ASXL2: variants seen among roughly 807,000 people sequenced by gnomAD.
ASXL2 encodes putative Polycomb group protein ASXL2.
ASXL2 carries 23 observed loss-of-function variants against 122.0 expected under a neutral mutation model. That is an observed-to-expected ratio of 0.19 (90% CI 0.14 to 0.27). The LOEUF (loss-of-function observed/expected upper bound fraction) is 0.27. Ranked by LOEUF, ASXL2 falls within the 10% of genes least tolerant of loss-of-function variation. The pLI is 1.00. For synonymous variants in ASXL2, 650 were observed against 637.0 expected (o/e 1.02, Z -0.31); for missense variants, 1,518 against 1,713.8 (o/e 0.89, Z 2.02).
intron 1 of ASXL2, among the ~76,000 whole-genome samples, chr2:25,854,403 G>T (rs1224548360): frequency 6.6e-6 from 1 of 152,016 alleles, no homozygotes; most frequent in Non-Finnish European, 1.5e-5. Flanking sequence ...TTTCAGATGT[G>T]AAAACTGAAG....
chr2:25,856,299 C>T (rs1319750880), intron 1 of ASXL2, among the ~76,000 whole-genome samples: 3 of 151,380 alleles, frequency 2.0e-5, no homozygotes, highest in Non-Finnish European at 2.9e-5. Context: ...TCAGGTGATC[C>T]GCCCACCTCA....
chr2:25,839,093 T>C (rs934077603), intron 2 of ASXL2, among the ~76,000 whole-genome samples: 1 of 152,130 alleles, frequency 6.6e-6, no homozygotes, highest in South Asian at 2.1e-4. Flanking sequence ...GAAAAACAAA[T>C]GAGTAAAAGC....
At chr2:25,856,255 C>T (rs1298744888) in intron 1 of ASXL2, among the ~76,000 whole-genome samples, 2 of 151,482 alleles carry the variant, frequency 1.3e-5, no homozygotes, top group East Asian at 3.9e-4. Flanking sequence ...TGGGGTTTCA[C>T]CATGTCGGCC....
At chr2:25,773,445 C>G (rs1414911101) in intron 5 of ASXL2, among the ~76,000 whole-genome samples, 1 of 151,942 alleles carries the variant, frequency 6.6e-6, no homozygotes, top group Non-Finnish European at 1.5e-5. Context: ...GCGGGCGGAT[C>G]ACAAGGTCAG....
In ASXL2 at chr2:25,743,759, C is replaced by G. The variant is rs769750746; in HGVS notation, c.2578G>C (p.Gly860Arg). 3.1e-6 allele frequency: 5 copies of G among 1,613,888 alleles called. No homozygotes were observed. The East Asian group carries it at 1.1e-4, about 36-fold the overall frequency. Residue 860 changes from glycine (G) to arginine (R), a missense_variant, in exon 13 of 13, where the codon GGT becomes CGT. By Grantham distance (125) the Gly-to-Arg change is moderately radical. Around this residue, in one of 8 missense-constraint regions of ASXL2, gnomAD observed 831 missense variants for 833.1 expected, o/e 1.00. Coordinates refer to ENST00000435504, the MANE Select transcript of ASXL2 (RefSeq NM_018263.6). ...GGGTTAGGTATATTCTTACTAGGACCTGCTTTGAGCTCAACTGTGCCATCA... is the reference window on the plus strand; with the variant it reads ...GGGTTAGGTATATTCTTACTAGGACGTGCTTTGAGCTCAACTGTGCCATCA... ...AADGTVELKA[G>R]PSKNIPNPSA... is the part of the protein sequence containing the mutation.
Position 25,744,136 on chromosome 2 carries a change from G to A in ASXL2, c.2201C>T (p.Thr734Ile). 6.2e-7 allele frequency: 1 copy of A among 1,613,994 alleles called. No individual in the cohort carries two copies. The highest frequency in any genetic ancestry group is 8.5e-7 in the Non-Finnish European group (1 of 1,179,886). ...CTCTCTCGTACCTCCCCTGCTTCCA[G>A]TTCCTGCCAGTTCCAGTGTGGGGCC... Reference protein sequence around the residue: ...GKGPTLELAGTGSRGGTRELL... With the variant: ...GKGPTLELAGIGSRGGTRELL... The change falls in exon 13 of 13, where the codon ACT becomes ATT. Residue 734 changes from threonine to isoleucine, a missense_variant. Coordinates refer to ENST00000435504, the MANE Select transcript of ASXL2 (RefSeq NM_018263.6). This position sits in a 1 kb window ranked among gnomAD's most constrained non-coding sequence, Gnocchi z 4.7.
At position 25,749,901 on chromosome 2, in the gene ASXL2, T is replaced by G. The variant is rs1400792834; in HGVS notation, c.1655A>C (p.Lys552Thr). 1.9e-6 allele frequency: 3 copies of G among 1,612,298 alleles called. No individual in the cohort carries two copies. Among genetic ancestry groups the G allele is most frequent in the Middle Eastern group, 1.6e-4 (1 of 6,074 alleles). The change falls in exon 12 of 13, where the codon AAA (lysine) becomes ACA (threonine). Residue 552 changes from lysine (K) to threonine (T), a missense_variant. Transcript: ENST00000435504. ...AGAGPQETNM[K>T]EPLATLVDQS... ...ATCAACAAGAGTTGCTAGAGGTTCTTTCATATTAGTCTCCTGTGGACCCGC... is the reference window on the plus strand; with the variant it reads ...ATCAACAAGAGTTGCTAGAGGTTCTGTCATATTAGTCTCCTGTGGACCCGC...
intron 8 of ASXL2, among the ~76,000 whole-genome samples, chr2:25,766,301 A>T (rs1559504858): frequency 6.6e-6 from 1 of 151,944 alleles, no homozygotes; most frequent in Non-Finnish European, 1.5e-5. Flanking sequence ...TGCCTATTAC[A>T]CATTTTTAAT....
intron 1 of ASXL2, among the ~76,000 whole-genome samples, chr2:25,870,975 G>C (rs944610391): frequency 6.6e-6 from 1 of 151,624 alleles, no homozygotes; most frequent in African/African-American, 2.4e-5. Flanking sequence ...CTTGTTTCTT[G>C]TTTTTTTAAA....
intron 1 of ASXL2, among the ~76,000 whole-genome samples, chr2:25,860,015 C>G (rs1435929219): frequency 1.3e-5 from 2 of 152,056 alleles, no homozygotes; most frequent in African/African-American, 4.8e-5. Context: ...AAAACATTGT[C>G]TCTTAAAAAT....
At chr2:25,793,392 A>C (rs1025913366) in intron 5 of ASXL2, among the ~76,000 whole-genome samples, 1 of 152,210 alleles carries the variant, frequency 6.6e-6, no homozygotes, top group African/African-American at 2.4e-5. Context: ...TACAGCATTG[A>C]GAATTTTCCA....
intron 2 of ASXL2, among the ~76,000 whole-genome samples, chr2:25,842,867 G>A (rs1330801743): frequency 6.6e-6 from 1 of 151,016 alleles, no homozygotes; most frequent in Admixed American, 6.6e-5. Flanking sequence ...TGTTGCCCAG[G>A]CTGGAGTGCA....
chr2:25,784,924 G>A lies in ASXL2; in HGVS notation c.404-13384C>T, dbSNP rs1207327642. Among the ~76,000 whole-genome samples the A allele has an allele frequency of 3.3e-5, 5 of 152,302 alleles. No homozygotes were observed. In the South Asian group the frequency reaches 6.2e-4, roughly 19 times the overall value. On this transcript the variant is annotated intron_variant, in intron 5 of 12. Transcript: ENST00000435504. The stretch of plus-strand genomic sequence containing the variant: ...GGACACAATTTGAAGCATAACACTT[G>A]TTTTTATTTAGCCTATTTTCCAGAG...
At chr2:25,856,685 G>C (rs557124085) in intron 1 of ASXL2, 1 of 1,282,818 alleles carries the variant, frequency 7.8e-7, no homozygotes, top group South Asian at 1.2e-5. Context: ...AGCCGTTAGA[G>C]TGAGCCAGTT....
At position 25,767,600 on chromosome 2, in the gene ASXL2, G is replaced by C; in HGVS notation, c.758C>G (p.Ser253Cys). 7 of 1,613,874 alleles carry C rather than the reference G, an allele frequency of 4.3e-6. No individual in the cohort carries two copies. The highest frequency in any genetic ancestry group is 5.9e-6 in the Non-Finnish European group (7 of 1,179,828). Residue 253 changes from serine to cysteine, a missense_variant, in exon 8 of 13, where the codon TCT becomes TGT. Physicochemically the swap from Ser to Cys is moderately radical, Grantham distance 112 (BLOSUM62 -1). Around this residue, in one of 8 missense-constraint regions of ASXL2, gnomAD observed 198 missense variants for 209.0 expected, o/e 0.95. Transcript: ENST00000435504. Reference protein sequence around the residue: ...LGLGKKSFQRSERLHTRQMKR... With the variant: ...LGLGKKSFQRCERLHTRQMKR... Reference sequence around the variant, plus strand: ...AAACTTACTGGTATGGAGTCTCTCAGATCTCTGGAATGACTTCTTCCCCAA... The same window carrying C: ...AAACTTACTGGTATGGAGTCTCTCACATCTCTGGAATGACTTCTTCCCCAA...
intron 5 of ASXL2, among the ~76,000 whole-genome samples, chr2:25,785,254 C>T (rs1490694778): frequency 6.6e-6 from 1 of 152,164 alleles, no homozygotes; most frequent in Non-Finnish European, 1.5e-5. Flanking sequence ...GAGACAGAGT[C>T]TCGCTCTGTC....
intron 1 of ASXL2, among the ~76,000 whole-genome samples, chr2:25,859,223 C>T: frequency 6.6e-6 from 1 of 152,056 alleles, no homozygotes; most frequent in Non-Finnish European, 1.5e-5. Context: ...ACTGCAGGCA[C>T]ACACCACCAC....
At chr2:25,779,470 A>G (rs2088598788) in intron 5 of ASXL2, among the ~76,000 whole-genome samples, 1 of 152,048 alleles carries the variant, frequency 6.6e-6, no homozygotes, top group South Asian at 2.1e-4. Flanking sequence ...ATAATTATTG[A>G]TTTGCTTAGT....
chr2:25,856,346 TG>T (rs1353097321), intron 1 of ASXL2: 91 of 482,266 alleles, frequency 1.9e-4, no homozygotes, highest in Non-Finnish European at 1.3e-4. Context: ...CATGAGCCAC[TG>T]CTCACCTGGC....
Sources: gnomAD v4.1 joint callset for allele counts (sites outside exome capture counted in the v4.1 genomes callset) on GRCh38, gnomAD v4.1.1 for gene constraint, gnomAD v4.1.1 regional missense constraint, Gnocchi (gnomAD v3.1) non-coding constraint, MANE v1.5 for transcripts, NCBI Gene and HGNC (gene_info 2026-07-23, HGNC 2026-07-21) for gene names.